TRAPPC10: variants seen among roughly 807,000 people sequenced by gnomAD.
The protein encoded by TRAPPC10 is trafficking protein particle complex subunit 10, also known as TRAPP 130 kDa subunit.
Under a neutral mutation model 125.5 loss-of-function variants are expected in TRAPPC10, and 23 were observed. The observed-to-expected ratio is 0.18, with a 90% confidence interval of 0.13 to 0.26. The LOEUF is 0.26. Ranked by LOEUF, TRAPPC10 falls within the 10% of genes least tolerant of loss-of-function variation. The pLI, the probability that TRAPPC10 is intolerant of heterozygous loss-of-function variation, is 1.00. For missense variants in TRAPPC10, 1,123 were observed against 1,308.4 expected (o/e 0.86, Z 2.19); for synonymous variants, 509 against 518.0 (o/e 0.98, Z 0.24).
Position 44,091,981 on chromosome 21 carries a change from A to G in TRAPPC10, c.2929A>G (p.Ser977Gly), listed in dbSNP as rs386352376. 8 of 1,614,184 alleles carry G rather than the reference A, an allele frequency of 5.0e-6. No individual in the cohort carries two copies. In the South Asian group the frequency reaches 8.8e-5, roughly 18 times the overall value. The change falls in exon 19 of 23, where the codon AGT becomes GGT. Residue 977 changes from serine (S) to glycine (G), a missense_variant. Around this residue, in one of 4 missense-constraint regions of TRAPPC10, gnomAD observed 840 missense variants for 902.0 expected, o/e 0.93. Transcript: ENST00000291574. ...LSELDFQLSD[S>G]YLVDTGDSTD... ...AGAACTTGACTTTCAGCTGTCAGAT[A>G]GTTATCTTGTAGATACCGGTGATAG...
At chr21:44,092,488 A>T (rs2038654364) in intron 19 of TRAPPC10, among the ~76,000 whole-genome samples, 1 of 152,148 alleles carries the variant, frequency 6.6e-6, no homozygotes, top group African/African-American at 2.4e-5. Flanking sequence ...CGCTGCCTGG[A>T]TGAATCTTGA....
rs776527402 is a variant in TRAPPC10, at chr21:44,084,217, C to T, written c.2334C>T (p.Tyr778=). The change falls in exon 15 of 23, where the codon TAC becomes TAT. Residue 778 remains tyrosine (Y), a synonymous_variant. Transcript: ENST00000291574. Reference sequence around the variant, plus strand: ...CTCACATCTACCCCATTGTGCAGTACGACGTGTACTCACAGGAGCCCCAGC... The same window carrying T: ...CTCACATCTACCCCATTGTGCAGTATGACGTGTACTCACAGGAGCCCCAGC... The part of the protein sequence containing the change: ...VLPHIYPIVQ[Y]DVYSQEPQLH... 1.9e-5 allele frequency: 30 copies of T among 1,614,006 alleles called. 1 individual carries two copies. In the Middle Eastern group the frequency reaches 4.9e-4, roughly 27 times the overall value.
At chr21:44,025,367 A>G (rs1398900747) in intron 1 of TRAPPC10, among the ~76,000 whole-genome samples, 40 of 152,242 alleles carry the variant, frequency 2.6e-4, no homozygotes, top group Admixed American at 2.6e-3. Flanking sequence ...GGTGCCAGGA[A>G]CAGGAGTGTC....
chr21:44,029,261 AT>A (rs556723501), intron 1 of TRAPPC10, among the ~76,000 whole-genome samples: 2 of 151,926 alleles, frequency 1.3e-5, no homozygotes, highest in Non-Finnish European at 2.9e-5. Context: ...CACCCAGCTA[AT>A]TTTTTGTATT....
Position 44,082,952 on chromosome 21 carries a change from C to T in TRAPPC10, c.1888C>T (p.His630Tyr). 6.2e-7 allele frequency: 1 copy of T among 1,614,050 alleles called. No homozygotes were observed. Among genetic ancestry groups the T allele is most frequent in the Non-Finnish European group, 8.5e-7 (1 of 1,180,010 alleles). Residue 630 changes from histidine (H) to tyrosine (Y), a missense_variant, in exon 14 of 23, where the codon CAC becomes TAC. His to Tyr is a moderately conservative substitution (Grantham distance 83). This residue lies in a region of TRAPPC10 where 840 missense variants were observed against 902.0 expected (regional missense o/e 0.93). Transcript: ENST00000291574. This position sits in a 1 kb window ranked among gnomAD's most constrained non-coding sequence, Gnocchi z 4.4. ...VHVEQIVVNV[H>Y]FSIEKNSYRK... ...CGTGGAGCAGATTGTGGTCAATGTC[C>T]ACTTCAGCATTGAGAAAAACAGCTA...
At chr21:44,053,466 A>G (rs945222563) in intron 4 of TRAPPC10, among the ~76,000 whole-genome samples, 3 of 152,194 alleles carry the variant, frequency 2.0e-5, no homozygotes, top group African/African-American at 7.2e-5. Context: ...ATGTGCCGTA[A>G]GTTATTTATA....
intron 5 of TRAPPC10, among the ~76,000 whole-genome samples, chr21:44,058,094 C>T (rs2035744298): frequency 6.6e-6 from 1 of 152,114 alleles, no homozygotes; most frequent in South Asian, 2.1e-4. Context: ...GCTTGTGTGA[C>T]AGTGGAGGAG....
At position 44,063,462 on chromosome 21, in the gene TRAPPC10, A is replaced by C; in HGVS notation, c.791-76A>C. 1.9e-6 allele frequency: 3 copies of C among 1,560,902 alleles called. No homozygotes were observed. The highest frequency in any genetic ancestry group is 2.6e-6 in the Non-Finnish European group (3 of 1,153,558). On this transcript the variant is annotated intron_variant, in intron 6 of 22. Transcript: ENST00000291574. This position sits in a 1 kb window ranked among gnomAD's most constrained non-coding sequence, Gnocchi z 4.4. ...TTATGAAGCTGCCTGTTTGCCCACC[A>C]TCCTCAGCCTGAGCAGGAAGCTCAG...
At chr21:44,076,841 A>G (rs2037321602) in intron 10 of TRAPPC10, among the ~76,000 whole-genome samples, 1 of 152,212 alleles carries the variant, frequency 6.6e-6, no homozygotes, top group Admixed American at 6.5e-5. Context: ...TAGGCATGGA[A>G]TCATCTTTGA....
intron 3 of TRAPPC10, among the ~76,000 whole-genome samples, chr21:44,047,529 AGTATGTGTGT>A (rs2034922736): frequency 9.6e-6 from 1 of 104,450 alleles, no homozygotes; most frequent in African/African-American, 6.3e-5. Context: ...TCTCTGGGGG[AGTATGTGTGT>A]GTGTGTGTGT....
chr21:44,019,878 C>T (rs933129576), intron 1 of TRAPPC10, among the ~76,000 whole-genome samples: 1 of 152,200 alleles, frequency 6.6e-6, no homozygotes, highest in African/African-American at 2.4e-5. Flanking sequence ...TTCGTGTACT[C>T]CTGACCGAGG....
intron 1 of TRAPPC10, among the ~76,000 whole-genome samples, chr21:44,023,327 G>T (rs1471479282): frequency 6.6e-6 from 1 of 151,936 alleles, no homozygotes; most frequent in African/African-American, 2.4e-5. Flanking sequence ...GAGCCACCGC[G>T]CCCGGCCTAT....
At chr21:44,038,497 C>T (rs898429692) in intron 3 of TRAPPC10, among the ~76,000 whole-genome samples, 2 of 151,794 alleles carry the variant, frequency 1.3e-5, no homozygotes, top group African/African-American at 4.8e-5. Context: ...GGGCAGGAGG[C>T]GCCCCGTGAC....
chr21:44,070,021 TTCCTTGTGTC>T (rs1174945596), intron 7 of TRAPPC10, among the ~76,000 whole-genome samples: 1 of 152,052 alleles, frequency 6.6e-6, no homozygotes, highest in Non-Finnish European at 1.5e-5. Flanking sequence ...TACTTTTTGA[TTCCTTGTGTC>T]TGAAGTTCAC....
intron 7 of TRAPPC10, among the ~76,000 whole-genome samples, chr21:44,065,823 A>G (rs935068853): frequency 6.6e-6 from 1 of 152,164 alleles, no homozygotes; most frequent in Non-Finnish European, 1.5e-5. Flanking sequence ...TTCGCTGGTA[A>G]CTTCACGTCA....
intron 7 of TRAPPC10, among the ~76,000 whole-genome samples, chr21:44,068,114 G>A (rs2036584691): frequency 7.0e-6 from 1 of 142,218 alleles, no homozygotes; most frequent in African/African-American, 2.7e-5. Context: ...GTGAGACTCC[G>A]TCTCAAAAAA....
rs767232116 is a variant in TRAPPC10, at chr21:44,037,727, AT to A, written c.150-62del. On this transcript the variant is annotated intron_variant, in intron 2 of 22. Transcript: ENST00000291574. ...ATACCATTACATTATTTGTTGTTCT[AT>A]TTCCCCTCTTCTGATGAATGCTGTT... 30 of 1,554,872 alleles carry A rather than the reference AT, an allele frequency of 1.9e-5. No individual in the cohort carries two copies. In the East Asian group the frequency reaches 4.7e-4, roughly 25 times the overall value.
Position 44,029,449 on chromosome 21 carries a change from C to T in TRAPPC10, c.68-2642C>T, listed in dbSNP as rs112108621. Reference sequence around the variant, plus strand: ...CCATACCCCATTTTCAAAGGCATCTCTAATTTCATAAGACTTGATGTGAAG... The same window carrying T: ...CCATACCCCATTTTCAAAGGCATCTTTAATTTCATAAGACTTGATGTGAAG... On this transcript the variant is annotated intron_variant, in intron 1 of 22. Coordinates refer to ENST00000291574, the MANE Select transcript of TRAPPC10 (RefSeq NM_003274.5). 1.9e-3 allele frequency among the ~76,000 whole-genome samples: 294 copies of T among 152,330 alleles called. 3 individuals are homozygous for T. The highest frequency in any genetic ancestry group is 6.8e-3 in the African/African-American group (282 of 41,568).
At chr21:44,062,384 A>G (rs956102157) in intron 6 of TRAPPC10, among the ~76,000 whole-genome samples, 17 of 152,232 alleles carry the variant, frequency 1.1e-4, no homozygotes, top group African/African-American at 3.6e-4. Flanking sequence ...CTTGCTGTCC[A>G]TAATAGTAAG....
Sources: allele counts gnomAD v4.1 joint callset (sites outside exome capture counted in the v4.1 genomes callset), GRCh38; gene constraint gnomAD v4.1.1; regional missense constraint gnomAD v4.1.1; non-coding constraint Gnocchi (gnomAD v3.1); transcripts MANE v1.5; gene names NCBI Gene and HGNC (gene_info 2026-07-23, HGNC 2026-07-21).